PCNX2: variants seen among roughly 807,000 people sequenced by gnomAD.
PCNX2 encodes the protein pecanex 2.
PCNX2 carries 168 observed loss-of-function variants against 223.8 expected under a neutral mutation model. The observed-to-expected ratio is 0.75, with a 90% CI of 0.66 to 0.85. PCNX2 has a LOEUF of 0.85. Ranked by LOEUF, PCNX2 falls within the 40% of genes least tolerant of loss-of-function variation. The pLI, the probability that PCNX2 is intolerant of heterozygous loss-of-function variation, is 0.00. For synonymous variants in PCNX2, 1,006 were observed against 1,052.6 expected (o/e 0.96, Z 0.86); for missense variants, 2,507 against 2,675.5 (o/e 0.94, Z 1.39).
In PCNX2 at chr1:233,208,513, C is replaced by T; in HGVS notation, c.2863+5G>A. ...TTCTTCCCCACAACCCCATAATTAA[C>T]TCACCTATTAAGTAGTCCCTAGCTG... On this transcript the variant is annotated splice_donor_5th_base_variant and intron_variant, in intron 13 of 33. Transcript: ENST00000258229. The T allele has an allele frequency of 6.2e-7, 1 of 1,604,170 alleles. No homozygotes were observed.
At chr1:233,032,020 C>T (rs2102844284) in intron 25 of PCNX2, 1 of 984,218 alleles carries the variant, frequency 1.0e-6, no homozygotes, top group Middle Eastern at 5.2e-4. Context: ...CACATTAACA[C>T]TGGCTTGCTG....
At chr1:233,198,902 A>C (rs532868403) in intron 15 of PCNX2, 37 bp downstream of exon 15, 8 of 1,501,402 alleles carry the variant, frequency 5.3e-6, no homozygotes, top group Middle Eastern at 1.8e-4. Context: ...AATTTAATGA[A>C]TCGAGAAGGA....
At chr1:233,042,930 C>T (rs556236268) in intron 25 of PCNX2, among the ~76,000 whole-genome samples, 1 of 152,254 alleles carries the variant, frequency 6.6e-6, no homozygotes, top group Non-Finnish European at 1.5e-5. Context: ...AAGGTGAAAT[C>T]GTGAGGTGGA....
At chr1:233,041,215 C>A (rs1671633547) in intron 25 of PCNX2, among the ~76,000 whole-genome samples, 1 of 152,180 alleles carries the variant, frequency 6.6e-6, no homozygotes, top group African/African-American at 2.4e-5. Flanking sequence ...AAAAACCACA[C>A]AGTAATTAAT....
intron 25 of PCNX2, among the ~76,000 whole-genome samples, chr1:233,029,243 A>G (rs1671185467): frequency 6.6e-6 from 1 of 152,132 alleles, no homozygotes; most frequent in Admixed American, 6.6e-5. Context: ...AAGGGTTATA[A>G]TCTGTGTGCT....
chr1:233,297,611 A>T (rs567581345), upstream of PCNX2, among the ~76,000 whole-genome samples: 1 of 152,292 alleles, frequency 6.6e-6, no homozygotes, highest in South Asian at 2.1e-4. Context: ...TGGAAAGAGG[A>T]GCATGGCAAT....
chr1:233,290,156 AG>A (rs1446140050), intron 1 of PCNX2, among the ~76,000 whole-genome samples: 1 of 76,676 alleles, frequency 1.3e-5, no homozygotes, highest in Non-Finnish European at 2.5e-5. Flanking sequence ...TTGGGGTATT[AG>A]GGGGTTAGGG....
At chr1:233,072,659 G>T (rs1467717587) in intron 23 of PCNX2, among the ~76,000 whole-genome samples, 2 of 152,148 alleles carry the variant, frequency 1.3e-5, no homozygotes, top group Admixed American at 1.3e-4. Context: ...ATGGTCAAGT[G>T]TGGTTTTCTC....
intron 19 of PCNX2, among the ~76,000 whole-genome samples, chr1:233,155,550 T>C (rs1182837342): frequency 6.6e-6 from 1 of 152,232 alleles, no homozygotes; most frequent in African/African-American, 2.4e-5. Context: ...TTATTCCTTG[T>C]CTCAATCTCT....
At chr1:233,305,187 A>G in the PCNX2 span, among the ~76,000 whole-genome samples, 1 of 152,188 alleles carries the variant, frequency 6.6e-6, no homozygotes, top group Non-Finnish European at 1.5e-5. Context: ...TATTTTGTAT[A>G]TAGCTCCTTT....
At chr1:233,069,269 A>G (rs1672746193) in intron 23 of PCNX2, among the ~76,000 whole-genome samples, 1 of 152,180 alleles carries the variant, frequency 6.6e-6, no homozygotes, top group African/African-American at 2.4e-5. Context: ...ATGGAGACTT[A>G]AACACCCATG....
intron 12 of PCNX2, among the ~76,000 whole-genome samples, chr1:233,217,615 A>T (rs913280395): frequency 1.3e-5 from 2 of 152,046 alleles, no homozygotes; most frequent in Non-Finnish European, 2.9e-5. Flanking sequence ...TTCCCCCAAG[A>T]CTGCTCGATC....
At chr1:233,270,962 C>T (rs1660610601) in intron 1 of PCNX2, among the ~76,000 whole-genome samples, 1 of 152,196 alleles carries the variant, frequency 6.6e-6, no homozygotes, top group Non-Finnish European at 1.5e-5. Context: ...GCACCTTTCT[C>T]TCTTCTCTTC....
chr1:233,034,171 C>T (rs952435666), intron 25 of PCNX2, among the ~76,000 whole-genome samples: 42 of 152,134 alleles, frequency 2.8e-4, no homozygotes, highest in African/African-American at 6.3e-4. Flanking sequence ...GAGATCGTGC[C>T]GCTGCCCTCC....
At chr1:233,009,123 C>A (rs924249623) in intron 28 of PCNX2, among the ~76,000 whole-genome samples, 3 of 152,160 alleles carry the variant, frequency 2.0e-5, no homozygotes, top group African/African-American at 7.2e-5. Context: ...TTCAGAAATC[C>A]CAGCTGCAAA....
chr1:233,065,123 G>A lies in PCNX2; in HGVS notation c.4077-7833C>T, dbSNP rs115826563. On this transcript the variant is annotated intron_variant, in intron 23 of 33. Coordinates refer to ENST00000258229, the MANE Select transcript of PCNX2 (RefSeq NM_014801.4). ...TTCTCTCTGTTTACATTCCCTCAGT[G>A]CTTTTCTGGTTTCTTCTATTATCCT... Among the ~76,000 whole-genome samples the A allele has an allele frequency of 3.5e-3, 530 of 152,120 alleles. 1 individual carries two copies. The highest frequency in any genetic ancestry group is 5.3e-3 in the Non-Finnish European group (357 of 67,988).
chr1:233,024,766 G>A (rs1043630047), intron 26 of PCNX2, among the ~76,000 whole-genome samples: 1 of 152,214 alleles, frequency 6.6e-6, no homozygotes, highest in Non-Finnish European at 1.5e-5. Flanking sequence ...TGATTCTAAA[G>A]TGGACACTGT....
intron 28 of PCNX2, among the ~76,000 whole-genome samples, chr1:233,012,496 G>A (rs1449261301): frequency 6.6e-6 from 1 of 152,162 alleles, no homozygotes; most frequent in Admixed American, 6.5e-5. Flanking sequence ...ACCTCTCGGT[G>A]AAGTGAACCA....
At chr1:233,105,695 C>T (rs77639615) in intron 21 of PCNX2, among the ~76,000 whole-genome samples, 3,261 of 152,130 alleles carry the variant, frequency 0.021, 36 homozygotes, top group East Asian at 0.043. Flanking sequence ...GTAAATGTGG[C>T]GTTAATAAAG....
Sources: gnomAD v4.1 joint callset for allele counts (sites outside exome capture counted in the v4.1 genomes callset) on GRCh38, gnomAD v4.1.1 for gene constraint, MANE v1.5 for transcripts, NCBI Gene and HGNC (gene_info 2026-07-23, HGNC 2026-07-21) for gene names.